The following TWIST2 variants were observed in gnomAD, a reference collection of about 807,000 sequenced individuals.
TWIST2 encodes the protein twist-related protein 2.
Under a neutral mutation model 11.6 loss-of-function variants are expected in TWIST2, and 1 was observed. The observed-to-expected ratio is 0.09, with a 90% CI of 0.03 to 0.41. The LOEUF (loss-of-function observed/expected upper bound fraction) is 0.41, where lower values mean the gene tolerates loss of function less well. Ranked by LOEUF, TWIST2 falls within the 10% of genes least tolerant of loss-of-function variation. TWIST2 has a pLI of 0.98. For synonymous variants in TWIST2, 87 were observed against 96.6 expected (o/e 0.90, Z 0.58); for missense variants, 168 against 226.4 (o/e 0.74, Z 1.66).
chr2:238,896,439 G>A (rs1247621600), intron 1 of TWIST2, among the ~76,000 whole-genome samples: 13 of 152,186 alleles, frequency 8.5e-5, no homozygotes, highest in African/African-American at 3.1e-4. Flanking sequence ...CCGCCTGGCC[G>A]AGCAGTGTCC....
intron 1 of TWIST2, among the ~76,000 whole-genome samples, chr2:238,906,717 C>T (rs1481965451): frequency 3.3e-5 from 5 of 152,142 alleles, no homozygotes; most frequent in African/African-American, 7.2e-5. Flanking sequence ...TCCACATCCT[C>T]CCCCCAGTGC....
chr2:238,855,354 A>G (rs1309175365), intron 1 of TWIST2, among the ~76,000 whole-genome samples: 1 of 152,182 alleles, frequency 6.6e-6, no homozygotes, highest in Non-Finnish European at 1.5e-5. Context: ...CATTGACACC[A>G]ATGGGCGAAC....
At chr2:238,880,330 T>G (rs930872877) in intron 1 of TWIST2, among the ~76,000 whole-genome samples, 3 of 144,702 alleles carry the variant, frequency 2.1e-5, no homozygotes, top group Admixed American at 1.4e-4. Flanking sequence ...TTTATTATTA[T>G]TAGTGTTAGT....
intron 1 of TWIST2, among the ~76,000 whole-genome samples, chr2:238,859,205 T>C: frequency 1.1e-5 from 1 of 92,208 alleles, no homozygotes; most frequent in Non-Finnish European, 2.2e-5. Context: ...AGAGCGACAC[T>C]CCGTCTCAAA....
chr2:238,890,334 C>T (rs572536322), intron 1 of TWIST2, among the ~76,000 whole-genome samples: 2 of 152,298 alleles, frequency 1.3e-5, no homozygotes, highest in South Asian at 2.1e-4. Context: ...CCGGCCTGCG[C>T]GGGGCAGGCA....
intron 1 of TWIST2, among the ~76,000 whole-genome samples, chr2:238,868,332 C>G (rs1349652615): frequency 6.6e-6 from 1 of 152,224 alleles, no homozygotes; most frequent in Admixed American, 6.5e-5. Context: ...CCCCGCCCCC[C>G]AGCCTGCTCT....
At chr2:238,895,951 C>T (rs1693201867) in intron 1 of TWIST2, among the ~76,000 whole-genome samples, 1 of 152,230 alleles carries the variant, frequency 6.6e-6, no homozygotes, top group Non-Finnish European at 1.5e-5. Context: ...TCCCTGAAGC[C>T]AAGCCCAAGC....
intron 1 of TWIST2, among the ~76,000 whole-genome samples, chr2:238,869,048 G>T (rs1224496691): frequency 1.3e-5 from 2 of 152,246 alleles, no homozygotes; most frequent in African/African-American, 4.8e-5. Context: ...GGCAGCAAAT[G>T]CTTGGCAGTT....
intron 1 of TWIST2, among the ~76,000 whole-genome samples, chr2:238,908,932 TTG>T (rs1693403205): frequency 5.3e-5 from 8 of 151,322 alleles, no homozygotes; most frequent in Admixed American, 3.3e-4. Context: ...TGTGGTGTGT[TTG>T]TGTGTGTGGT....
At chr2:238,894,467 A>G (rs1182022047) in intron 1 of TWIST2, among the ~76,000 whole-genome samples, 1 of 152,110 alleles carries the variant, frequency 6.6e-6, no homozygotes, top group Non-Finnish European at 1.5e-5. Flanking sequence ...TGCTGTCTCC[A>G]TGTGGTCCTG....
rs370790723 is a variant in TWIST2, at chr2:238,891,203, C to T, written c.*36-18639C>T. Among the ~76,000 whole-genome samples, 127 of 152,336 alleles carry T rather than the reference C, an allele frequency of 8.3e-4. 1 individual carries two copies. The highest frequency in any genetic ancestry group is 2.9e-3 in the African/African-American group (119 of 41,574). On this transcript the variant is annotated intron_variant, in intron 1 of 1. Coordinates refer to ENST00000612363, the MANE Select transcript of TWIST2 (RefSeq NM_001271893.4). ...AGATCTCGAACACGTTTTCCAGAGCCGTCCCCAGCTCCAGGTGCTCTTAGA... is the reference window on the plus strand; with the variant it reads ...AGATCTCGAACACGTTTTCCAGAGCTGTCCCCAGCTCCAGGTGCTCTTAGA...
At chr2:238,891,722 C>G (rs1336955774) in intron 1 of TWIST2, among the ~76,000 whole-genome samples, 1 of 152,190 alleles carries the variant, frequency 6.6e-6, no homozygotes, top group Non-Finnish European at 1.5e-5. Flanking sequence ...ACTCTGGGAG[C>G]TGGAAGCTGG....
At chr2:238,890,489 C>T (rs1330791236) in intron 1 of TWIST2, among the ~76,000 whole-genome samples, 2 of 152,238 alleles carry the variant, frequency 1.3e-5, no homozygotes, top group African/African-American at 4.8e-5. Context: ...TCCTTCCCCA[C>T]TTAGGGTTTT....
At chr2:238,873,645 G>A (rs754564093) in intron 1 of TWIST2, among the ~76,000 whole-genome samples, 11 of 152,150 alleles carry the variant, frequency 7.2e-5, no homozygotes, top group Non-Finnish European at 1.3e-4. Flanking sequence ...AGGTGGGTCC[G>A]AGCGCTCCTC....
chr2:238,901,391 C>T lies in TWIST2; in HGVS notation c.*36-8451C>T, dbSNP rs922883220. Among the ~76,000 whole-genome samples the T allele has an allele frequency of 4.4e-3, 675 of 152,052 alleles. 3 individuals carry two copies. The highest frequency in any genetic ancestry group is 0.016 in the African/African-American group (643 of 41,462). On this transcript the variant is annotated intron_variant, in intron 1 of 1. Transcript: ENST00000612363. Reference sequence around the variant, plus strand: ...CTCCTTCTATTTGTTTTGTTGTTTCCAGCAGTCCTTGTTTTGTTTCCTAAT... The same window carrying T: ...CTCCTTCTATTTGTTTTGTTGTTTCTAGCAGTCCTTGTTTTGTTTCCTAAT...
intron 1 of TWIST2, among the ~76,000 whole-genome samples, chr2:238,900,150 A>G (rs1177074818): frequency 2.6e-5 from 4 of 152,230 alleles, no homozygotes; most frequent in Non-Finnish European, 5.9e-5. Context: ...CCTGGTCCAC[A>G]TGTCTGATGG....
Position 238,880,871 on chromosome 2 carries a change from TTGTTAG to T in TWIST2, c.*36-28960_*36-28955del, listed in dbSNP as rs1232800115. Among the ~76,000 whole-genome samples the T allele has an allele frequency of 5.5e-4, 63 of 114,934 alleles. 8 individuals carry two copies. The highest frequency in any genetic ancestry group is 1.0e-3 in the Non-Finnish European group (56 of 55,426). 75.4% of individuals were successfully genotyped at this position (114,934 alleles called of 152,430 possible). A position where few individuals can be genotyped will look rare whatever the true frequency, so the allele number is the denominator to read the frequency against. On this transcript the variant is annotated intron_variant, in intron 1 of 1. Coordinates refer to ENST00000612363, the MANE Select transcript of TWIST2 (RefSeq NM_001271893.4). ...CTAGTATTTATTAGTGTTAGTGTTATTGTTAGTGTTAGTGTTGGTATTTATTATTAT... is the reference window on the plus strand; with the variant it reads ...CTAGTATTTATTAGTGTTAGTGTTATTGTTAGTGTTGGTATTTATTATTAT...
chr2:238,890,921 G>T (rs1693120645), intron 1 of TWIST2, among the ~76,000 whole-genome samples: 1 of 152,108 alleles, frequency 6.6e-6, no homozygotes, highest in Non-Finnish European at 1.5e-5. Flanking sequence ...ACTCCTTAAA[G>T]TTCTCAGATG....
At chr2:238,849,387 A>T (rs978959825) in intron 1 of TWIST2, among the ~76,000 whole-genome samples, 10 of 152,152 alleles carry the variant, frequency 6.6e-5, no homozygotes, top group Admixed American at 2.0e-4. Flanking sequence ...CAGAGCAGCC[A>T]CAGGGCCGGG....
Sources: gnomAD v4.1 joint callset for allele counts (sites outside exome capture counted in the v4.1 genomes callset) on GRCh38, gnomAD v4.1.1 for gene constraint, MANE v1.5 for transcripts, NCBI Gene and HGNC (gene_info 2026-07-23, HGNC 2026-07-21) for gene names.